The following SLC25A21 variants were observed in gnomAD, a reference collection of about 807,000 sequenced individuals.
SLC25A21 encodes mitochondrial 2-oxodicarboxylate carrier.
A neutral mutation model predicts 43.8 loss-of-function variants in SLC25A21; 47 were observed. The ratio of observed to expected loss-of-function variants is 1.07; its 90% CI spans 0.85 to 1.37. The LOEUF (loss-of-function observed/expected upper bound fraction) is 1.37, where lower values mean the gene tolerates loss of function less well. SLC25A21 is among the 40% of genes most tolerant of loss of function. The probability of loss-of-function intolerance (pLI) is 0.00; values close to 1 mark genes in which losing one functional copy is unlikely to be tolerated. For missense variants in SLC25A21, 352 were observed against 350.2 expected (o/e 1.00, Z -0.04); for synonymous variants, 131 against 121.3 (o/e 1.08, Z -0.52).
intron 3 of SLC25A21, among the ~76,000 whole-genome samples, chr14:36,758,511 C>T (rs1188933405): frequency 6.7e-6 from 1 of 148,506 alleles, no homozygotes; most frequent in African/African-American, 2.5e-5. Context: ...TTTGGAGATA[C>T]TGGAAAGGAT....
At chr14:36,800,152 C>A (rs989316561) in intron 3 of SLC25A21, among the ~76,000 whole-genome samples, 3 of 151,970 alleles carry the variant, frequency 2.0e-5, no homozygotes, top group African/African-American at 7.3e-5. Flanking sequence ...ATTCTCATAG[C>A]TTTTTTAAAA....
At chr14:36,936,333 C>A (rs545442901) in intron 1 of SLC25A21, among the ~76,000 whole-genome samples, 25 of 152,202 alleles carry the variant, frequency 1.6e-4, no homozygotes, top group Non-Finnish European at 3.4e-4. Flanking sequence ...TTTCCACCAG[C>A]CCCCCTCCCA....
chr14:36,814,535 G>T (rs1888385507), intron 2 of SLC25A21, among the ~76,000 whole-genome samples: 1 of 152,122 alleles, frequency 6.6e-6, no homozygotes, highest in African/African-American at 2.4e-5. Flanking sequence ...CTTCTCAAAA[G>T]AAGACATTTA....
At chr14:36,860,204 A>C (rs1890028924) in intron 2 of SLC25A21, among the ~76,000 whole-genome samples, 1 of 151,892 alleles carries the variant, frequency 6.6e-6, no homozygotes, top group Non-Finnish European at 1.5e-5. Flanking sequence ...TTCTCTGAGG[A>C]GATGACAGCT....
chr14:36,684,951 C>T, intron 7 of SLC25A21, 26 bp from the exon 8 acceptor site: 2 of 1,591,080 alleles, frequency 1.3e-6, no homozygotes, highest in Non-Finnish European at 1.7e-6. Context: ...AATAATATAA[C>T]AGAAAGGGGA....
chr14:37,147,830 CT>C (rs922975985), intron 1 of SLC25A21, among the ~76,000 whole-genome samples: 1 of 94,552 alleles, frequency 1.1e-5, no homozygotes, highest in African/African-American at 3.2e-5. Context: ...TTTCCTTTTT[CT>C]TTTTTTTCTT....
chr14:37,034,891 T>C (rs529633284), intron 1 of SLC25A21, among the ~76,000 whole-genome samples: 13 of 152,330 alleles, frequency 8.5e-5, no homozygotes, highest in South Asian at 6.2e-4. Flanking sequence ...CCTAACCGTA[T>C]TGCTGAATAC....
At chr14:36,724,736 G>A (rs909650396) in intron 6 of SLC25A21, among the ~76,000 whole-genome samples, 8 of 152,126 alleles carry the variant, frequency 5.3e-5, no homozygotes, top group Non-Finnish European at 7.3e-5. Context: ...GTCAAGACCC[G>A]TCATTGTCCA....
intron 7 of SLC25A21, among the ~76,000 whole-genome samples, chr14:36,704,934 G>T (rs1883443716): frequency 6.6e-6 from 1 of 152,182 alleles, no homozygotes; most frequent in Non-Finnish European, 1.5e-5. Context: ...AAGTGCCACA[G>T]AAAGTCGGGA....
intron 1 of SLC25A21, among the ~76,000 whole-genome samples, chr14:37,066,756 GGAGA>G (rs752544508): frequency 3.3e-5 from 5 of 151,782 alleles, no homozygotes; most frequent in African/African-American, 7.3e-5. Context: ...ATATACACAT[GGAGA>G]GAGAGAGAAG....
intron 1 of SLC25A21, among the ~76,000 whole-genome samples, chr14:37,169,061 A>G (rs74047231): frequency 0.012 from 1,879 of 152,238 alleles, 43 homozygotes; most frequent in African/African-American, 0.043. Flanking sequence ...AGATCTCAAC[A>G]TTAAGTCTAT....
intron 2 of SLC25A21, among the ~76,000 whole-genome samples, chr14:36,873,023 G>C (rs774720951): frequency 2.6e-5 from 4 of 152,134 alleles, no homozygotes; most frequent in Non-Finnish European, 4.4e-5. Flanking sequence ...TTCTAATATT[G>C]TGTCTTGATT....
intron 3 of SLC25A21, among the ~76,000 whole-genome samples, chr14:36,761,059 TA>T (rs1315111173): frequency 6.6e-6 from 1 of 152,234 alleles, no homozygotes; most frequent in Non-Finnish European, 1.5e-5. Flanking sequence ...AGCATCTCTT[TA>T]ATTACAGCCA....
At chr14:36,686,122 C>A (rs1009013661) in intron 7 of SLC25A21, among the ~76,000 whole-genome samples, 4 of 152,158 alleles carry the variant, frequency 2.6e-5, no homozygotes, top group Non-Finnish European at 4.4e-5. Flanking sequence ...AAGAAGAAAA[C>A]TTCTGAGGGC....
Position 36,679,958 on chromosome 14 carries a change from G to T in SLC25A21, c.*700C>A. The T allele has an allele frequency of 3.7e-6, 3 of 809,756 alleles. No individual in the cohort carries two copies. Among genetic ancestry groups the T allele is most frequent in the Non-Finnish European group, 4.3e-6 (3 of 703,442 alleles). The allele number at this position is 809,756 out of a possible 1,614,324, so 50.2% of individuals were successfully genotyped here. A position where few individuals can be genotyped will look rare whatever the true frequency, so the allele number is the denominator to read the frequency against. Reference sequence around the variant, plus strand: ...TTGATTTAAACATGCTTAAACAACAGTGTTTTAACATTCTGTTTTAAACAA... The same window carrying T: ...TTGATTTAAACATGCTTAAACAACATTGTTTTAACATTCTGTTTTAAACAA... On this transcript the variant is annotated 3_prime_UTR_variant, in exon 10 of 10. Transcript: ENST00000331299.
chr14:36,921,355 A>G (rs1296178136), intron 1 of SLC25A21, among the ~76,000 whole-genome samples: 2 of 152,126 alleles, frequency 1.3e-5, no homozygotes, highest in African/African-American at 4.8e-5. Context: ...TTGTACATAA[A>G]AGGCACATCC....
chr14:36,709,064 A>G (rs906776684), intron 7 of SLC25A21, among the ~76,000 whole-genome samples: 1 of 151,138 alleles, frequency 6.6e-6, no homozygotes, highest in African/African-American at 2.4e-5. Context: ...CTGGAGTGCA[A>G]TGGCGCCAGC....
rs552672827 is a variant in SLC25A21 at position 37,105,662 on chromosome 14, A to G, written c.70+66619T>C. On this transcript the variant is annotated intron_variant, in intron 1 of 9. Coordinates refer to ENST00000331299, the MANE Select transcript of SLC25A21 (RefSeq NM_030631.4). The stretch of plus-strand genomic sequence containing the variant: ...GATATCCTGAGTTAGTAATATTAAA[A>G]TGAAGAAACCAAGTTATCTCAACTG... 9.8e-5 allele frequency among the ~76,000 whole-genome samples: 15 copies of G among 152,340 alleles called. No homozygotes were observed. In the South Asian group the frequency reaches 1.7e-3, roughly 17 times the overall value.
intron 1 of SLC25A21, among the ~76,000 whole-genome samples, chr14:37,012,393 T>A (rs1357431414): frequency 2.0e-5 from 3 of 152,152 alleles, no homozygotes; most frequent in Non-Finnish European, 4.4e-5. Context: ...ATAAGAAAAA[T>A]TAACGCTGCA....
Sources: allele counts gnomAD v4.1 joint callset (sites outside exome capture counted in the v4.1 genomes callset), GRCh38; gene constraint gnomAD v4.1.1; transcripts MANE v1.5; gene names NCBI Gene and HGNC (gene_info 2026-07-23, HGNC 2026-07-21).